EYS: variants seen among roughly 807,000 people sequenced by gnomAD.
EYS encodes the protein EGF-like photoreceptor maintenance factor, also known as protein eyes shut homolog.
A neutral mutation model predicts 282.1 loss-of-function variants in EYS; 250 were observed. The ratio of observed to expected loss-of-function variants is 0.89; its 90% CI spans 0.80 to 0.98. The LOEUF (loss-of-function observed/expected upper bound fraction) is 0.98, where lower values mean the gene tolerates loss of function less well. EYS is among the 50% of genes least tolerant of loss of function. The probability of loss-of-function intolerance (pLI) is 0.00; values close to 1 mark genes in which losing one functional copy is unlikely to be tolerated. For synonymous variants in EYS, 1,355 were observed against 1,282.9 expected (o/e 1.06, Z -1.20); for missense variants, 4,016 against 3,709.0 (o/e 1.08, Z -2.15).
chr6:63,887,320 T>TG (rs771114970), intron 35 of EYS, among the ~76,000 whole-genome samples: 1 of 149,536 alleles, frequency 6.7e-6, no homozygotes, highest in Non-Finnish European at 1.5e-5. Flanking sequence ...AGGTGTTTTT[T>TG]TTTTTTTTTT....
chr6:63,973,209 C>T (rs1278414504), intron 35 of EYS, among the ~76,000 whole-genome samples: 3 of 152,084 alleles, frequency 2.0e-5, no homozygotes, highest in Admixed American at 2.0e-4. Flanking sequence ...ACATCCTCTC[C>T]AGTATCTGTT....
chr6:63,907,997 C>T (rs1330652134), intron 35 of EYS, among the ~76,000 whole-genome samples: 2 of 75,010 alleles, frequency 2.7e-5, no homozygotes, highest in African/African-American at 5.2e-5. Flanking sequence ...TACACACACA[C>T]ACACACACAC....
chr6:64,490,150 A>G (rs184130282), intron 26 of EYS, among the ~76,000 whole-genome samples: 1 of 151,030 alleles, frequency 6.6e-6, no homozygotes, highest in East Asian at 2.0e-4. Context: ...ATGAAAGTGG[A>G]AATCTAGGGT....
chr6:64,678,965 C>G (rs377187117), intron 22 of EYS, among the ~76,000 whole-genome samples: 1 of 143,936 alleles, frequency 6.9e-6, no homozygotes, highest in East Asian at 2.0e-4. Flanking sequence ...CCAGCCTTGG[C>G]GATAGAGACT....
At chr6:65,243,416 G>A (rs567295411) in intron 12 of EYS, among the ~76,000 whole-genome samples, 2 of 152,222 alleles carry the variant, frequency 1.3e-5, no homozygotes, top group East Asian at 1.9e-4. Flanking sequence ...ATAGGAGTTG[G>A]GGGGTGAAGG....
chr6:64,809,300 A>G (rs1415011982), intron 22 of EYS, among the ~76,000 whole-genome samples: 4 of 152,152 alleles, frequency 2.6e-5, no homozygotes, highest in African/African-American at 9.6e-5. Flanking sequence ...CTCTTGGAAT[A>G]AACTAACTAC....
chr6:65,349,696 C>T (rs1770528497), intron 9 of EYS, among the ~76,000 whole-genome samples: 1 of 151,330 alleles, frequency 6.6e-6, no homozygotes, highest in African/African-American at 2.4e-5. Context: ...ATAAAACTCA[C>T]TGGCAAAAGT....
intron 26 of EYS, among the ~76,000 whole-genome samples, chr6:64,492,064 T>C (rs1385075095): frequency 6.0e-5 from 9 of 151,158 alleles, no homozygotes; most frequent in Non-Finnish European, 1.0e-4. Flanking sequence ...ACTTTGACAA[T>C]TGAAGAAATT....
At chr6:65,214,158 CAAAAAAAAAAAAAAAAAA>C (rs58213904) in intron 12 of EYS, among the ~76,000 whole-genome samples, 2 of 29,244 alleles carry the variant, frequency 6.8e-5, no homozygotes, top group African/African-American at 1.5e-4. Context: ...GACTCCGTCT[CAAAAAAAAAAAAAAAAAA>C]AAAAAAAAAA....
chr6:65,644,319 T>G (rs946770873), intron 1 of EYS, among the ~76,000 whole-genome samples: 1 of 152,108 alleles, frequency 6.6e-6, no homozygotes. Context: ...AAGAAAGAAC[T>G]TCAGAGCTTG....
At chr6:64,016,911 A>G (rs1406059282) in intron 33 of EYS, among the ~76,000 whole-genome samples, 1 of 152,034 alleles carries the variant, frequency 6.6e-6, no homozygotes, top group Non-Finnish European at 1.5e-5. Flanking sequence ...TTTACTTCTG[A>G]AGGTATCCCT....
At chr6:65,499,471 A>G (rs1766372359) in intron 2 of EYS, among the ~76,000 whole-genome samples, 1 of 152,004 alleles carries the variant, frequency 6.6e-6, no homozygotes, top group South Asian at 2.1e-4. Context: ...TACATACCTG[A>G]TATTTTTCAT....
intron 11 of EYS, among the ~76,000 whole-genome samples, chr6:65,316,136 A>G (rs1048189683): frequency 1.3e-4 from 20 of 152,134 alleles, no homozygotes; most frequent in African/African-American, 4.1e-4. Flanking sequence ...ATTTATCTGG[A>G]TGCAAGTCTT....
At chr6:64,129,209 A>G (rs1582311982) in intron 31 of EYS, among the ~76,000 whole-genome samples, 1 of 152,146 alleles carries the variant, frequency 6.6e-6, no homozygotes, top group Non-Finnish European at 1.5e-5. Flanking sequence ...ACTAACTTCC[A>G]CAGTGGTTGA....
chr6:63,955,958 A>G (rs1765799048), intron 35 of EYS, among the ~76,000 whole-genome samples: 1 of 152,030 alleles, frequency 6.6e-6, no homozygotes, highest in Admixed American at 6.6e-5. Context: ...TCTTCTAACA[A>G]CCCCACAATA....
At chr6:65,043,258 T>C (rs984028700) in intron 13 of EYS, among the ~76,000 whole-genome samples, 3 of 151,572 alleles carry the variant, frequency 2.0e-5, no homozygotes, top group Non-Finnish European at 3.0e-5. Flanking sequence ...ACACATGTAG[T>C]AAGTGTTTAA....
At position 64,659,149 on chromosome 6, in the gene EYS, A is replaced by G. The variant is rs373337314; in HGVS notation, c.3444-32904T>C. ...CCTGAATGACTACTGGGTACATAACAAAATGAAGGAAGAAATAAAGATGTT... is the reference window on the plus strand; with the variant it reads ...CCTGAATGACTACTGGGTACATAACGAAATGAAGGAAGAAATAAAGATGTT... On this transcript the variant is annotated intron_variant, in intron 22 of 42. Coordinates refer to ENST00000503581, the MANE Select transcript of EYS (RefSeq NM_001142800.2). Among the ~76,000 whole-genome samples, 6 of 151,920 alleles carry G rather than the reference A, an allele frequency of 3.9e-5. No individual in the cohort carries two copies. The East Asian group carries it at 7.7e-4, about 20-fold the overall frequency.
At chr6:65,524,498 C>T (rs894945454) in intron 2 of EYS, among the ~76,000 whole-genome samples, 1 of 152,184 alleles carries the variant, frequency 6.6e-6, no homozygotes, top group South Asian at 2.1e-4. Flanking sequence ...GAAGCATATA[C>T]AGCCTTCTAG....
At chr6:65,641,838 T>C (rs1767285568) in intron 1 of EYS, among the ~76,000 whole-genome samples, 1 of 152,206 alleles carries the variant, frequency 6.6e-6, no homozygotes, top group Non-Finnish European at 1.5e-5. Flanking sequence ...GTCTTTGACT[T>C]CTTTAAGTTA....
Sources: gnomAD v4.1 joint callset for allele counts (sites outside exome capture counted in the v4.1 genomes callset) on GRCh38, gnomAD v4.1.1 for gene constraint, MANE v1.5 for transcripts, NCBI Gene and HGNC (gene_info 2026-07-23, HGNC 2026-07-21) for gene names.